The following FRMD4A variants were observed in gnomAD, a reference collection of about 807,000 sequenced individuals.
FRMD4A encodes the protein FERM domain containing 4A.
A neutral mutation model predicts 129.1 loss-of-function variants in FRMD4A; 29 were observed. That is an observed-to-expected ratio of 0.22 (90% CI 0.17 to 0.31). The LOEUF is 0.31. FRMD4A is among the 10% of genes least tolerant of loss of function. FRMD4A has a pLI of 1.00. For synonymous variants in FRMD4A, 634 were observed against 571.6 expected (o/e 1.11, Z -1.56); for missense variants, 1,272 against 1,375.8 (o/e 0.92, Z 1.19).
chr10:14,212,128 G>A (rs547125222), intron 2 of FRMD4A, among the ~76,000 whole-genome samples: 6 of 152,230 alleles, frequency 3.9e-5, no homozygotes, highest in Non-Finnish European at 7.4e-5. Flanking sequence ...GGGAGAGGAG[G>A]TGAGCTGTGC....
At chr10:13,849,834 A>G (rs560689958) in intron 3 of FRMD4A, among the ~76,000 whole-genome samples, 1 of 151,646 alleles carries the variant, frequency 6.6e-6, no homozygotes, top group South Asian at 2.1e-4. Flanking sequence ...AGGCTGGGCT[A>G]TGAGGGTGAA....
chr10:14,321,652 A>G (rs1338337939), intron 2 of FRMD4A, among the ~76,000 whole-genome samples: 1 of 152,218 alleles, frequency 6.6e-6, no homozygotes, highest in African/African-American at 2.4e-5. Context: ...TTTTAGGCAG[A>G]GAAATTAGAC....
At chr10:13,832,667 G>C (rs541996239) in intron 3 of FRMD4A, among the ~76,000 whole-genome samples, 1 of 152,178 alleles carries the variant, frequency 6.6e-6, no homozygotes, top group Non-Finnish European at 1.5e-5. Flanking sequence ...TAGGAAGCTG[G>C]GAATGGCCTA....
chr10:13,858,948 T>C lies in FRMD4A; in HGVS notation c.46-36A>G, dbSNP rs776430999. ...AGAGAAATGGTAGTCACTGAGAGTC[T>C]AGCAGCCAGACAAAGGGTTAGAGGG... On this transcript the variant is annotated intron_variant, in intron 2 of 24. Transcript: ENST00000357447. 3.1e-6 allele frequency: 4 copies of C among 1,309,578 alleles called. No individual in the cohort carries two copies. The South Asian group carries it at 4.7e-5, about 15-fold the overall frequency. The allele number at this position is 1,309,578 out of a possible 1,614,324, so 81.1% of individuals were successfully genotyped here. A position where few individuals can be genotyped will look rare whatever the true frequency, so the allele number is the denominator to read the frequency against.
At chr10:14,226,965 T>C (rs1358640201) in intron 2 of FRMD4A, among the ~76,000 whole-genome samples, 1 of 152,132 alleles carries the variant, frequency 6.6e-6, no homozygotes, top group Non-Finnish European at 1.5e-5. Flanking sequence ...CGGAGCCCAA[T>C]GACCCTCCTA....
intron 2 of FRMD4A, among the ~76,000 whole-genome samples, chr10:14,059,642 G>A (rs1834711236): frequency 6.6e-6 from 1 of 152,130 alleles, no homozygotes. Context: ...TACTGTTTAG[G>A]CCACCCAGTC....
intron 2 of FRMD4A, among the ~76,000 whole-genome samples, chr10:14,178,268 C>T (rs2131896432): frequency 6.6e-6 from 1 of 152,142 alleles, no homozygotes; most frequent in East Asian, 1.9e-4. Context: ...TCAGGGGTTG[C>T]AAAGTAAGCA....
At chr10:14,193,766 T>C (rs1472939898) in intron 2 of FRMD4A, among the ~76,000 whole-genome samples, 2 of 152,058 alleles carry the variant, frequency 1.3e-5, no homozygotes, top group African/African-American at 4.8e-5. Flanking sequence ...TGATGTTCTA[T>C]GTCAACTCCA....
intron 2 of FRMD4A, among the ~76,000 whole-genome samples, chr10:14,172,918 G>T (rs915180178): frequency 6.6e-6 from 1 of 152,194 alleles, no homozygotes; most frequent in African/African-American, 2.4e-5. Context: ...TCAGACATGG[G>T]TGAACATAAC....
intron 2 of FRMD4A, among the ~76,000 whole-genome samples, chr10:13,966,097 G>C (rs180795347): frequency 6.6e-6 from 1 of 151,846 alleles, no homozygotes; most frequent in East Asian, 1.9e-4. Context: ...GCGACCTCTC[G>C]AACTCCCGAC....
chr10:14,185,792 C>CT, intron 2 of FRMD4A, among the ~76,000 whole-genome samples: 1 of 152,244 alleles, frequency 6.6e-6, no homozygotes, highest in South Asian at 2.1e-4. Flanking sequence ...ACAATCCAGA[C>CT]TAGTCCTGGG....
chr10:13,976,819 G>A (rs1234667736), intron 2 of FRMD4A, among the ~76,000 whole-genome samples: 1 of 152,180 alleles, frequency 6.6e-6, no homozygotes, highest in African/African-American at 2.4e-5. Context: ...TTGTAAAAAC[G>A]TCAGCCATAA....
At chr10:13,847,287 C>T (rs979989337) in intron 3 of FRMD4A, among the ~76,000 whole-genome samples, 7 of 152,198 alleles carry the variant, frequency 4.6e-5, no homozygotes, top group Admixed American at 4.6e-4. Context: ...AAATCTTCCA[C>T]ATGGCTTTGA....
intron 2 of FRMD4A, among the ~76,000 whole-genome samples, chr10:14,023,963 A>C (rs1043199479): frequency 1.3e-5 from 2 of 152,150 alleles, no homozygotes; most frequent in Non-Finnish European, 2.9e-5. Context: ...TAGCATTTTG[A>C]GCACCCTCCC....
chr10:13,650,886 T>C (rs556013499), intron 24 of FRMD4A, among the ~76,000 whole-genome samples: 1 of 152,218 alleles, frequency 6.6e-6, no homozygotes, highest in Admixed American at 6.5e-5. Context: ...ACATAACATC[T>C]CCGTGAACTC....
At chr10:14,104,562 GC>G (rs1212664212) in intron 2 of FRMD4A, among the ~76,000 whole-genome samples, 10 of 152,132 alleles carry the variant, frequency 6.6e-5, no homozygotes, top group African/African-American at 2.4e-4. Flanking sequence ...CTCTACGGTG[GC>G]CCCGCTCAGT....
In FRMD4A at chr10:14,219,447, C is replaced by A. The variant is rs182584817; in HGVS notation, c.45+110611G>T. On this transcript the variant is annotated intron_variant, in intron 2 of 24. Transcript: ENST00000357447. Reference sequence around the variant, plus strand: ...TTGTGCCAGCGCATTCTGATGCCATCAGAAATTTGCAAAGTAATATAACTC... The same window carrying A: ...TTGTGCCAGCGCATTCTGATGCCATAAGAAATTTGCAAAGTAATATAACTC... Among the ~76,000 whole-genome samples the A allele has an allele frequency of 5.3e-5, 8 of 152,288 alleles. No homozygotes were observed. The East Asian group carries it at 1.2e-3, about 22-fold the overall frequency.
intron 6 of FRMD4A, among the ~76,000 whole-genome samples, chr10:13,764,514 C>A (rs528063681): frequency 0.036 from 5,391 of 151,520 alleles, 131 homozygotes; most frequent in Non-Finnish European, 0.056. Context: ...AATAAACAAA[C>A]AAACAAACAA....
chr10:13,714,439 T>C (rs546181447), intron 12 of FRMD4A, among the ~76,000 whole-genome samples: 33 of 151,652 alleles, frequency 2.2e-4, no homozygotes, highest in African/African-American at 7.0e-4. Flanking sequence ...GCATTCAATA[T>C]ATTTTACTTT....
Sources: allele counts gnomAD v4.1 joint callset (sites outside exome capture counted in the v4.1 genomes callset), GRCh38; gene constraint gnomAD v4.1.1; transcripts MANE v1.5; gene names NCBI Gene and HGNC (gene_info 2026-07-23, HGNC 2026-07-21).